The following ANK3 variants were observed in gnomAD, a reference collection of about 807,000 sequenced individuals.
ANK3 encodes ankyrin 3.
Under a neutral mutation model 370.9 loss-of-function variants are expected in ANK3, and 57 were observed. That is an observed-to-expected ratio of 0.15 (90% confidence interval 0.12 to 0.19). The LOEUF (loss-of-function observed/expected upper bound fraction) is 0.19. Among genes scored for constraint, ANK3 ranks in the 10% least tolerant of loss-of-function variants. ANK3 has a pLI of 1.00. For missense variants in ANK3, 4,439 were observed against 5,302.1 expected (o/e 0.84, Z 5.06); for synonymous variants, 1,929 against 1,946.3 (o/e 0.99, Z 0.23).
intron 7 of ANK3, among the ~76,000 whole-genome samples, chr10:60,241,422 A>G (rs2097456595): frequency 6.6e-6 from 1 of 152,178 alleles, no homozygotes; most frequent in African/African-American, 2.4e-5. Flanking sequence ...ATGTTATAGA[A>G]TACATTAGCA....
At chr10:60,089,026 C>T (rs1589817606) in intron 28 of ANK3, among the ~76,000 whole-genome samples, 1 of 152,072 alleles carries the variant, frequency 6.6e-6, no homozygotes, top group Non-Finnish European at 1.5e-5. Flanking sequence ...AGTGAGGCCT[C>T]ATAAGAAAGT....
chr10:60,070,291 A>G lies in ANK3; in HGVS notation c.10590T>C (p.Thr3530=), dbSNP rs892153539. Residue 3530 remains threonine (T), a synonymous_variant, in exon 37 of 44, where the codon ACT becomes ACC. Coordinates refer to ENST00000280772, the MANE Select transcript of ANK3 (RefSeq NM_020987.5). The surrounding 1 kb of genome is among the most constrained non-coding windows in gnomAD (Gnocchi z 5.7). The stretch of plus-strand genomic sequence containing the variant: ...CTTTGGTAGCTACTGTTTTAAAAGG[A>G]GTGGCAAATTCTTCATCTACTTTGT... The part of the protein sequence containing the change: ...FSYKVDEEFA[T]PFKTVATKGL... 6.2e-7 allele frequency: 1 copy of G among 1,614,112 alleles called. No homozygotes were observed. The highest frequency in any genetic ancestry group is 1.7e-5 in the Admixed American group (1 of 60,012).
intron 2 of ANK3, among the ~76,000 whole-genome samples, chr10:60,431,521 C>T (rs7082098): frequency 0.13 from 19,172 of 151,990 alleles, 1,331 homozygotes; most frequent in South Asian, 0.17. Context: ...TAAGGACCCC[C>T]GAAGTAAAGT....
rs995420939 is a variant in ANK3 at position 60,031,194 on chromosome 10, C to A, written c.*20-1368G>T. 2.6e-5 allele frequency among the ~76,000 whole-genome samples: 4 copies of A among 152,114 alleles called. No individual in the cohort carries two copies. In the East Asian group the frequency reaches 7.7e-4, roughly 29 times the overall value. On this transcript the variant is annotated intron_variant, in intron 43 of 43. Transcript: ENST00000280772. The stretch of plus-strand genomic sequence containing the variant: ...TTACAATGAAATTTCTTTTCCATAA[C>A]CAAATTAAAATTAGAGACAAACTTC...
intron 1 of ANK3, among the ~76,000 whole-genome samples, chr10:60,329,180 T>C (rs553414992): frequency 2.4e-4 from 36 of 152,220 alleles, no homozygotes; most frequent in South Asian, 8.3e-4. Context: ...CAATATCATA[T>C]TGAATGGCCA....
chr10:60,510,116 A>G (rs2076042876), intron 2 of ANK3, among the ~76,000 whole-genome samples: 1 of 152,076 alleles, frequency 6.6e-6, no homozygotes. Context: ...CTAGTATCAA[A>G]TAACTTTTTA....
intron 2 of ANK3, among the ~76,000 whole-genome samples, chr10:60,498,510 T>A (rs563327592): frequency 1.3e-5 from 2 of 152,256 alleles, no homozygotes; most frequent in African/African-American, 2.4e-5. Flanking sequence ...TGTCTCAGCT[T>A]CCTGAGTAGC....
chr10:60,421,707 G>A (rs1403522005), intron 2 of ANK3, among the ~76,000 whole-genome samples: 1 of 152,034 alleles, frequency 6.6e-6, no homozygotes, highest in South Asian at 2.1e-4. Flanking sequence ...CCAAGGGTGT[G>A]TTAATCAGGC....
chr10:60,713,613 G>T (rs141342485), intron 1 of ANK3, among the ~76,000 whole-genome samples: 88 of 152,244 alleles, frequency 5.8e-4, no homozygotes, highest in African/African-American at 2.0e-3. Context: ...ACAACAGGCT[G>T]GGTGCAGTGC....
chr10:60,372,684 G>A (rs1452039821), intron 1 of ANK3, among the ~76,000 whole-genome samples: 4 of 152,148 alleles, frequency 2.6e-5, no homozygotes, highest in Non-Finnish European at 1.5e-5. Context: ...GCTCTGCAGA[G>A]GCCCCGGCTT....
At chr10:60,535,686 G>A (rs1196305910) in intron 2 of ANK3, among the ~76,000 whole-genome samples, 1 of 151,890 alleles carries the variant, frequency 6.6e-6, no homozygotes, top group Non-Finnish European at 1.5e-5. Context: ...CCCCTCACAG[G>A]GCAAATATTG....
At chr10:60,433,108 T>TA (rs1374252513) in intron 2 of ANK3, among the ~76,000 whole-genome samples, 1 of 151,828 alleles carries the variant, frequency 6.6e-6, no homozygotes, top group Non-Finnish European at 1.5e-5. Context: ...AAATGATTGA[T>TA]AAAAAAGAAA....
At chr10:60,477,641 T>C (rs10733765) in intron 2 of ANK3, among the ~76,000 whole-genome samples, 113,900 of 151,626 alleles carry the variant, frequency 0.75, 42,797 homozygotes, top group South Asian at 0.88. Flanking sequence ...ATAATAAATG[T>C]TAGCTCCAGT....
chr10:60,629,606 G>C (rs939351274), intron 1 of ANK3, among the ~76,000 whole-genome samples: 1 of 152,126 alleles, frequency 6.6e-6, no homozygotes, highest in African/African-American at 2.4e-5. Context: ...GAGAGTCAAA[G>C]AGGTGATGTC....
At chr10:60,077,038 A>T (rs891469272) in intron 36 of ANK3, among the ~76,000 whole-genome samples, 1 of 152,232 alleles carries the variant, frequency 6.6e-6, no homozygotes, top group African/African-American at 2.4e-5. Flanking sequence ...AGCCTATTTC[A>T]TGCAGAATCC....
At chr10:60,490,430 C>A (rs190088637) in intron 2 of ANK3, among the ~76,000 whole-genome samples, 3 of 152,156 alleles carry the variant, frequency 2.0e-5, no homozygotes, top group African/African-American at 4.8e-5. Context: ...CCATCCTTAA[C>A]CCTCACTAAA....
intron 43 of ANK3, among the ~76,000 whole-genome samples, chr10:60,030,511 C>T (rs1339676937): frequency 2.0e-5 from 3 of 152,148 alleles, no homozygotes; most frequent in Non-Finnish European, 4.4e-5. Flanking sequence ...ATGAAGGTCA[C>T]ATAATGTGAG....
At chr10:60,469,029 GTGTATA>G (rs545950889) in intron 2 of ANK3, among the ~76,000 whole-genome samples, 14,190 of 34,942 alleles carry the variant, frequency 0.41, 4,003 homozygotes, top group East Asian at 0.72. Flanking sequence ...ACCACTTTTA[GTGTATA>G]TATATATATA....
At chr10:60,336,902 G>A (rs1288524605) in intron 1 of ANK3, among the ~76,000 whole-genome samples, 1 of 152,104 alleles carries the variant, frequency 6.6e-6, no homozygotes, top group African/African-American at 2.4e-5. Context: ...TCTCTTTGCG[G>A]TCCAGCAGAT....
Sources: gnomAD v4.1 joint callset for allele counts (sites outside exome capture counted in the v4.1 genomes callset) on GRCh38, gnomAD v4.1.1 for gene constraint, Gnocchi (gnomAD v3.1) non-coding constraint, MANE v1.5 for transcripts, NCBI Gene and HGNC (gene_info 2026-07-23, HGNC 2026-07-21) for gene names.